Variants in CAST observed in about 807,000 individuals in gnomAD.
CAST encodes MIR583 host.
In CAST, 76 loss-of-function variants were observed where a neutral mutation model predicts 119.6. The observed-to-expected ratio is 0.64, with a 90% CI of 0.53 to 0.77. The LOEUF (loss-of-function observed/expected upper bound fraction) is 0.77, where lower values mean the gene tolerates loss of function less well. Ranked by LOEUF, CAST falls within the 30% of genes least tolerant of loss-of-function variation. The pLI is 0.00. For missense variants in CAST, 953 were observed against 946.5 expected, an observed-to-expected ratio of 1.01 and a Z score of -0.09; for synonymous variants, 319 against 331.6, an observed-to-expected ratio of 0.96 and a Z score of 0.41.
chr5:96,666,248 G>A (rs1400522434), intron 1 of CAST, among the ~76,000 whole-genome samples: 1 of 107,690 alleles, frequency 9.3e-6, no homozygotes, highest in Non-Finnish European at 1.8e-5. Context: ...GAAAAATGTG[G>A]TTGTAGTAAA....
At chr5:96,408,386 G>A in the CAST span, 2 of 1,170,472 alleles carry the variant, frequency 1.7e-6, no homozygotes, top group Non-Finnish European at 2.5e-6. Context: ...GGCCTGTCTT[G>A]GGGGTTAACT....
the CAST span, among the ~76,000 whole-genome samples, chr5:96,363,922 C>A: frequency 6.6e-6 from 1 of 152,090 alleles, no homozygotes; most frequent in African/African-American, 2.4e-5. Flanking sequence ...GTTTTCAAAG[C>A]AAATGCTTCC....
the CAST span, among the ~76,000 whole-genome samples, chr5:96,239,728 A>G: frequency 6.6e-6 from 1 of 151,718 alleles, no homozygotes; most frequent in Non-Finnish European, 1.5e-5. Context: ...TTTTCTTTTT[A>G]TCATCCCTTT....
At chr5:96,027,470 A>AT in the CAST span, among the ~76,000 whole-genome samples, 1 of 152,120 alleles carries the variant, frequency 6.6e-6, no homozygotes, top group Non-Finnish European at 1.5e-5. Flanking sequence ...GAAATAGAGA[A>AT]TTGTGGTAGA....
At chr5:96,424,252 C>T in the CAST span, among the ~76,000 whole-genome samples, 1 of 152,130 alleles carries the variant, frequency 6.6e-6, no homozygotes, top group African/African-American at 2.4e-5. Flanking sequence ...TGCTTTTGTG[C>T]CCTCCTCCCC....
intron 1 of CAST, among the ~76,000 whole-genome samples, chr5:96,652,150 T>C (rs1748102886): frequency 6.6e-6 from 1 of 152,166 alleles, no homozygotes; most frequent in Admixed American, 6.5e-5. Context: ...CAGTGGCCAC[T>C]AGGGCAGCGT....
chr5:95,987,112 C>T, the CAST span, among the ~76,000 whole-genome samples: 3 of 152,090 alleles, frequency 2.0e-5, no homozygotes, highest in South Asian at 2.1e-4. Context: ...TCCTGACCTT[C>T]GGACCCTTGC....
chr5:96,252,386 C>T, the CAST span, among the ~76,000 whole-genome samples: 1 of 152,082 alleles, frequency 6.6e-6, no homozygotes, highest in Non-Finnish European at 1.5e-5. Flanking sequence ...TGGCACTGAG[C>T]TAAATTCTGA....
the CAST span, among the ~76,000 whole-genome samples, chr5:96,192,204 A>G: frequency 6.6e-6 from 1 of 152,232 alleles, no homozygotes; most frequent in Admixed American, 6.5e-5. Flanking sequence ...CAATTTTTAT[A>G]GCTATTTTCA....
At chr5:96,054,479 G>A in the CAST span, among the ~76,000 whole-genome samples, 11 of 151,840 alleles carry the variant, frequency 7.2e-5, no homozygotes, top group Non-Finnish European at 1.5e-4. Flanking sequence ...TATTCATCAC[G>A]GCATAGTCCA....
intron 1 of CAST, among the ~76,000 whole-genome samples, chr5:96,573,241 G>C (rs764640201): frequency 6.6e-6 from 1 of 152,098 alleles, no homozygotes; most frequent in South Asian, 2.1e-4. Flanking sequence ...AGAAATTTGA[G>C]CTTTAAGGCA....
the CAST span, chr5:96,421,815 A>G: frequency 1.1e-6 from 1 of 898,310 alleles, no homozygotes; most frequent in Non-Finnish European, 1.9e-6. Flanking sequence ...ATATGGTATA[A>G]TTTTCTCAAA....
chr5:96,688,739 A>G (rs1752366443), intron 2 of CAST, among the ~76,000 whole-genome samples: 1 of 152,200 alleles, frequency 6.6e-6, no homozygotes, highest in South Asian at 2.1e-4. Flanking sequence ...AGTAATTATT[A>G]TTTCTTCTTC....
the CAST span, among the ~76,000 whole-genome samples, chr5:96,253,968 A>C: frequency 6.6e-6 from 1 of 151,980 alleles, no homozygotes; most frequent in Non-Finnish European, 1.5e-5. Context: ...TGGTTAAAAA[A>C]AAAGAGAGAA....
upstream of CAST, among the ~76,000 whole-genome samples, chr5:96,528,841 T>C (rs977462761): frequency 1.3e-5 from 2 of 152,246 alleles, no homozygotes; most frequent in Admixed American, 6.5e-5. Flanking sequence ...TCCACAGTCA[T>C]GAATAGTATC....
At chr5:96,540,120 G>A (rs1745885234) in intron 1 of CAST, among the ~76,000 whole-genome samples, 1 of 151,788 alleles carries the variant, frequency 6.6e-6, no homozygotes, top group Admixed American at 6.6e-5. Context: ...GCTATTGTGG[G>A]CTATAAATCT....
the CAST span, among the ~76,000 whole-genome samples, chr5:95,964,764 G>A: frequency 6.6e-6 from 1 of 152,334 alleles, no homozygotes; most frequent in Admixed American, 6.5e-5. Context: ...AGGAGAGGCA[G>A]GGTCGGAATC....
chr5:96,342,465 G>T, the CAST span, among the ~76,000 whole-genome samples: 1 of 152,234 alleles, frequency 6.6e-6, no homozygotes, highest in South Asian at 2.1e-4. Flanking sequence ...CTCAGGTGAG[G>T]CTGGGGCTGC....
chr5:96,483,165 G>T, the CAST span, among the ~76,000 whole-genome samples: 2 of 152,114 alleles, frequency 1.3e-5, no homozygotes, highest in Non-Finnish European at 2.9e-5. Context: ...AATTTCCATT[G>T]AAATGTAAAT....
Sources: allele counts gnomAD v4.1 joint callset (sites outside exome capture counted in the v4.1 genomes callset), GRCh38; gene constraint gnomAD v4.1.1; transcripts MANE v1.5; gene names NCBI Gene and HGNC (gene_info 2026-07-23, HGNC 2026-07-21).